C18orf63: variants seen among roughly 807,000 people sequenced by gnomAD.
C18orf63 encodes the protein chromosome 18 open reading frame 63.
In C18orf63, 50 loss-of-function variants were observed where a neutral mutation model predicts 75.3. That is an observed-to-expected ratio of 0.66 (90% CI 0.53 to 0.84). C18orf63 has a LOEUF of 0.84. C18orf63 is among the 40% of genes least tolerant of loss of function. The probability of loss-of-function intolerance (pLI) is 0.00; values close to 1 mark genes in which losing one functional copy is unlikely to be tolerated. For synonymous variants in C18orf63, 232 were observed against 267.6 expected, an observed-to-expected ratio of 0.87 and a Z score of 1.30; for missense variants, 732 against 800.2, an observed-to-expected ratio of 0.91 and a Z score of 1.03.
chr18:74,344,893 G>A (rs1484169310), intron 11 of C18orf63, among the ~76,000 whole-genome samples: 1 of 152,098 alleles, frequency 6.6e-6, no homozygotes, highest in African/African-American at 2.4e-5. Context: ...TCTTGTATAT[G>A]TCTGCTGGTG....
intron 4 of C18orf63, among the ~76,000 whole-genome samples, chr18:74,324,576 G>T (rs1208136047): frequency 1.3e-5 from 2 of 152,040 alleles, no homozygotes; most frequent in Non-Finnish European, 2.9e-5. Flanking sequence ...ATTAAATGAG[G>T]ACTTACTGTA....
Position 74,343,551 on chromosome 18 carries a change from T to C in C18orf63, c.827T>C (p.Met276Thr). Residue 276 changes from methionine to threonine, a missense_variant, in exon 11 of 14, where the codon ATG becomes ACG. Transcript: ENST00000579455. Reference sequence around the variant, plus strand: ...CTCAGTTGCATCAGAAGTCAGCCCATGCAGTTCTTTCCAAGGGTAGATTCG... The same window carrying C: ...CTCAGTTGCATCAGAAGTCAGCCCACGCAGTTCTTTCCAAGGGTAGATTCG... ...YPLSCIRSQPMQFFPRVDSEV... is the reference protein window; with the variant it reads ...YPLSCIRSQPTQFFPRVDSEV... 3 of 1,534,332 alleles carry C rather than the reference T, an allele frequency of 2.0e-6. No homozygotes were observed. The highest frequency in any genetic ancestry group is 2.4e-5 in the East Asian group (1 of 40,830).
In C18orf63 at chr18:74,357,256, T is replaced by G. The variant is rs537989454; in HGVS notation, c.*809T>G. On this transcript the variant is annotated 3_prime_UTR_variant, in exon 14 of 14. Transcript: ENST00000579455. ...ACACTGTGTCCATGGCAGAAATGGA[T>G]GAGACAGCCGTGGCCTGAGCCCCTG... The G allele has an allele frequency of 6.6e-6, 1 of 152,340 alleles. No individual in the cohort carries two copies. The highest frequency in any genetic ancestry group is 1.9e-4 in the East Asian group (1 of 5,176). The allele number at this position is 152,340 out of a possible 1,614,324, so 9.4% of individuals were successfully genotyped here.
rs1056287233 is a variant in C18orf63 at position 74,358,936 on chromosome 18, G to A, written c.*2489G>A. ...TGTAGTAAAAAGGTAAAAAAAAAAT[G>A]AACTTGTTAATGATTAGCTTTTATT... On this transcript the variant is annotated 3_prime_UTR_variant, in exon 14 of 14. Transcript: ENST00000579455. 6.6e-6 allele frequency: 1 copy of A among 151,468 alleles called. No individual in the cohort carries two copies. Among genetic ancestry groups the A allele is most frequent in the Non-Finnish European group, 1.5e-5 (1 of 67,868 alleles). 9.4% of individuals were successfully genotyped at this position (151,468 alleles called of 1,614,324 possible). A position where few individuals can be genotyped will look rare whatever the true frequency, so the allele number is the denominator to read the frequency against.
At chr18:74,331,498 GT>G (rs1404018344) in intron 7 of C18orf63, among the ~76,000 whole-genome samples, 2 of 152,186 alleles carry the variant, frequency 1.3e-5, no homozygotes, top group African/African-American at 4.8e-5. Context: ...AATGGAAGCG[GT>G]TGAGGGCAGG....
intron 11 of C18orf63, among the ~76,000 whole-genome samples, chr18:74,345,214 CTG>C (rs892158731): frequency 2.0e-5 from 3 of 146,740 alleles, no homozygotes; most frequent in African/African-American, 7.6e-5. Flanking sequence ...CATTTTTCTA[CTG>C]TGTTACGTGT....
Position 74,342,073 on chromosome 18 carries a change from C to A in C18orf63, c.653C>A (p.Pro218His). Residue 218 changes from proline (P) to histidine (H), a missense_variant, in exon 9 of 14, where the codon CCC (proline) becomes CAC (histidine). By Grantham distance (77) the Pro-to-His change is moderately conservative (BLOSUM62 -2). Transcript: ENST00000579455. ...GQIINIFHAI[P>H]AACPFHSYGD... ...ATTATAAATATTTTTCATGCCATCCCCGCTGCCTGTCCTTTTCACTCATAT... is the reference window on the plus strand; with the variant it reads ...ATTATAAATATTTTTCATGCCATCCACGCTGCCTGTCCTTTTCACTCATAT... 1 of 1,529,386 alleles carries A rather than the reference C, an allele frequency of 6.5e-7. No homozygotes were observed. Among genetic ancestry groups the A allele is most frequent in the Non-Finnish European group, 8.8e-7 (1 of 1,141,572 alleles). 94.7% of individuals were successfully genotyped at this position (1,529,386 alleles called of 1,614,324 possible).
intron 8 of C18orf63, among the ~76,000 whole-genome samples, chr18:74,341,072 G>A (rs1356033578): frequency 6.6e-6 from 1 of 151,644 alleles, no homozygotes; most frequent in Admixed American, 6.6e-5. Flanking sequence ...AGACCATCCC[G>A]GCTAAAACGG....
chr18:74,340,214 C>T (rs1984457918), intron 8 of C18orf63, among the ~76,000 whole-genome samples: 1 of 152,142 alleles, frequency 6.6e-6, no homozygotes, highest in African/African-American at 2.4e-5. Context: ...TAACATTTCT[C>T]AAAAGAAGAT....
chr18:74,358,096 T>C lies in C18orf63; in HGVS notation c.*1649T>C, dbSNP rs1388561306. The stretch of plus-strand genomic sequence containing the variant: ...TGCCTCAGGTAATGGACACTTACTT[T>C]ATTATTACACTGAGCAAAATAATGA... On this transcript the variant is annotated 3_prime_UTR_variant, in exon 14 of 14. Coordinates refer to ENST00000579455, the MANE Select transcript of C18orf63 (RefSeq NM_001174123.2). The C allele has an allele frequency of 6.6e-6, 1 of 152,206 alleles. No homozygotes were observed. Among genetic ancestry groups the C allele is most frequent in the African/African-American group, 2.4e-5 (1 of 41,456 alleles). The allele number at this position is 152,206 out of a possible 1,614,324, so 9.4% of individuals were successfully genotyped here. A position where few individuals can be genotyped will look rare whatever the true frequency, so the allele number is the denominator to read the frequency against.
intron 6 of C18orf63, among the ~76,000 whole-genome samples, chr18:74,330,198 T>C (rs1984281577): frequency 6.6e-6 from 1 of 152,212 alleles, no homozygotes; most frequent in African/African-American, 2.4e-5. Context: ...CTTTTACTTT[T>C]ATTGAAATGT....
intron 2 of C18orf63, among the ~76,000 whole-genome samples, chr18:74,319,087 T>TAA (rs1984075505): frequency 3.9e-5 from 6 of 152,198 alleles, no homozygotes; most frequent in Non-Finnish European, 7.3e-5. Flanking sequence ...GCCTGTACCC[T>TAA]TCCTGCTAAA....
rs144180242 is a variant in C18orf63 at position 74,326,023 on chromosome 18, C to T, written c.271-1924C>T. Among the ~76,000 whole-genome samples, 821 of 152,220 alleles carry T rather than the reference C, an allele frequency of 5.4e-3. 6 individuals carry two copies. The highest frequency in any genetic ancestry group is 0.019 in the African/African-American group (786 of 41,494). Reference sequence around the variant, plus strand: ...CCTTGGGCCATAGAGAAAGTCAATACAGAAATTAAGAGAGAAATCCACCTG... The same window carrying T: ...CCTTGGGCCATAGAGAAAGTCAATATAGAAATTAAGAGAGAAATCCACCTG... On this transcript the variant is annotated intron_variant, in intron 4 of 13. Transcript: ENST00000579455.
intron 11 of C18orf63, among the ~76,000 whole-genome samples, chr18:74,346,742 A>G (rs1984581657): frequency 6.6e-6 from 1 of 152,210 alleles, no homozygotes; most frequent in South Asian, 2.1e-4. Context: ...AATTTGCTTC[A>G]TAAGTGTAAA....
At position 74,346,090 on chromosome 18, in the gene C18orf63, T is replaced by C. The variant is rs1943989; in HGVS notation, c.978+2388T>C. On this transcript the variant is annotated intron_variant, in intron 11 of 13. Transcript: ENST00000579455. ...ATATATATTCTTTAATTTATCTCAA[T>C]AATAGTTTATAACTTTATGTATGGG... Among the ~76,000 whole-genome samples the C allele has an allele frequency of 0.01, 1,590 of 152,200 alleles. 81 individuals carry two copies. The East Asian group carries it at 0.17, about 16-fold the overall frequency.
In C18orf63 at chr18:74,353,936, G is replaced by A. The variant is rs778634119; in HGVS notation, c.1669G>A (p.Val557Met). Residue 557 changes from valine to methionine, a missense_variant, in exon 12 of 14, where the codon GTG becomes ATG. Val to Met is a conservative substitution (Grantham distance 21). Around this residue, in one of 3 missense-constraint regions of C18orf63, gnomAD observed 495 missense variants for 508.7 expected, o/e 0.97. Coordinates refer to ENST00000579455, the MANE Select transcript of C18orf63 (RefSeq NM_001174123.2). Reference protein sequence around the residue: ...VFVVSNNNLGVVKSAVDFQMK... With the variant: ...VFVVSNNNLGMVKSAVDFQMK... ...TGTGGTGTCAAATAACAATTTAGGGGTGGTAAAAAGTGCTGTTGACTTCCA... is the reference window on the plus strand; with the variant it reads ...TGTGGTGTCAAATAACAATTTAGGGATGGTAAAAAGTGCTGTTGACTTCCA... The A allele has an allele frequency of 4.6e-6, 7 of 1,535,926 alleles. No individual in the cohort carries two copies. In the South Asian group the frequency reaches 7.1e-5, roughly 16 times the overall value.
In C18orf63 at chr18:74,353,790, C is replaced by T; in HGVS notation, c.1523C>T (p.Ser508Phe). 6.5e-7 allele frequency: 1 copy of T among 1,535,900 alleles called. No homozygotes were observed. Among genetic ancestry groups the T allele is most frequent in the Non-Finnish European group, 8.7e-7 (1 of 1,146,826 alleles). Residue 508 changes from serine (S) to phenylalanine (F), a missense_variant, in exon 12 of 14, where the codon TCC becomes TTC. Physicochemically the swap from Ser to Phe is radical, Grantham distance 155. Around this residue, in one of 3 missense-constraint regions of C18orf63, gnomAD observed 495 missense variants for 508.7 expected, o/e 0.97. Coordinates refer to ENST00000579455, the MANE Select transcript of C18orf63 (RefSeq NM_001174123.2). Reference protein sequence around the residue: ...QAANNLNQENSRPLQEKNTES... With the variant: ...QAANNLNQENFRPLQEKNTES... ...GCTAACAATTTAAATCAGGAGAATT[C>T]CAGACCTCTGCAAGAAAAAAATACA...
At chr18:74,356,434 C>T (rs1334629600) in intron 13 of C18orf63, 47 bp from the exon 14 acceptor site, 1 of 152,554 alleles carries the variant, frequency 6.6e-6, no homozygotes, top group Non-Finnish European at 1.5e-5. Context: ...TAGTACAGAG[C>T]AGTTTCAAGA....
chr18:74,337,041 T>A (rs1251411342), intron 7 of C18orf63, among the ~76,000 whole-genome samples: 2 of 152,086 alleles, frequency 1.3e-5, no homozygotes, highest in Non-Finnish European at 2.9e-5. Context: ...TATTATCTAA[T>A]TTTTCCTTAC....
Sources: gnomAD v4.1 joint callset for allele counts (sites outside exome capture counted in the v4.1 genomes callset) on GRCh38, gnomAD v4.1.1 for gene constraint, gnomAD v4.1.1 regional missense constraint, MANE v1.5 for transcripts, NCBI Gene and HGNC (gene_info 2026-07-23, HGNC 2026-07-21) for gene names.